The following COL4A6 variants were observed in gnomAD, a reference collection of about 807,000 sequenced individuals.
COL4A6 encodes the protein collagen alpha-6(IV) chain.
A neutral mutation model predicts 126.7 loss-of-function variants in COL4A6; 59 were observed. The observed-to-expected ratio is 0.47, with a 90% CI of 0.38 to 0.58. The LOEUF is 0.58. COL4A6 is among the 20% of genes least tolerant of loss of function. The pLI is 0.00. For missense variants in COL4A6, 1,285 were observed against 1,337.3 expected (o/e 0.96, Z 0.61); for synonymous variants, 547 against 496.6 (o/e 1.10, Z -1.35).
intron 22 of COL4A6, 140 bp from the exon 23 acceptor site, chrX:108,187,419 T>A: frequency 4.1e-6 from 2 of 491,228 alleles, no homozygotes; most frequent in Non-Finnish European, 6.2e-6. Flanking sequence ...ATAGTTTATC[T>A]ATCAGTCTCC....
intron 3 of COL4A6, among the ~76,000 whole-genome samples, chrX:108,258,229 CA>C (rs201192410): frequency 0.016 from 1,841 of 111,797 alleles, 46 homozygotes; most frequent in African/African-American, 0.056. Context: ...ATGAAAAAAA[CA>C]AACTTTTACA....
chrX:108,346,802 A>C (rs1018078124), intron 2 of COL4A6, among the ~76,000 whole-genome samples: 1 of 112,380 alleles, frequency 8.9e-6, no homozygotes, highest in African/African-American at 3.2e-5. Context: ...AAAGTTAATA[A>C]GAACAAGAAA....
At chrX:108,161,593 C>CCCCCCCCAAAATT in intron 42 of COL4A6, 26 bp downstream of exon 42, 1 of 580,314 alleles carries the variant, frequency 1.7e-6, no homozygotes, top group Non-Finnish European at 2.7e-6. Flanking sequence ...CCGCCCCGCC[C>CCCCCCCCAAAATT]GCCTCCTAAT....
upstream of COL4A6, chrX:108,439,376 T>G: frequency 1.2e-6 from 1 of 808,577 alleles, no homozygotes; most frequent in South Asian, 2.7e-5. Context: ...AAGCATATAC[T>G]TTATTTATTC....
intron 3 of COL4A6, among the ~76,000 whole-genome samples, chrX:108,287,737 G>A (rs1603018000): frequency 2.7e-5 from 3 of 111,465 alleles, no homozygotes; most frequent in African/African-American, 9.8e-5. Flanking sequence ...AAATATCTCC[G>A]GAGTTCTCTT....
chrX:108,362,815 A>T (rs896162417), intron 2 of COL4A6, among the ~76,000 whole-genome samples: 1 of 111,452 alleles, frequency 9.0e-6, no homozygotes, highest in Non-Finnish European at 1.9e-5. Context: ...CCTGTCCAGG[A>T]GTCTTTTCTC....
intron 2 of COL4A6, among the ~76,000 whole-genome samples, chrX:108,338,813 C>A (rs2039492545): frequency 8.9e-6 from 1 of 112,059 alleles, no homozygotes; most frequent in Non-Finnish European, 1.9e-5. Flanking sequence ...ATCTGATTAT[C>A]AAGTTTTGAA....
intron 3 of COL4A6, among the ~76,000 whole-genome samples, chrX:108,262,898 T>A (rs1008827039): frequency 3.6e-5 from 4 of 111,599 alleles, no homozygotes; most frequent in East Asian, 5.6e-4. Context: ...ATTATTTTTT[T>A]AAAAATAAAC....
In COL4A6 at chrX:108,425,746, A is replaced by G. The variant is rs190312412; in HGVS notation, c.63+12196T>C. On this transcript the variant is annotated intron_variant, in intron 2 of 44. Transcript: ENST00000334504. Reference sequence around the variant, plus strand: ...AACACACACACAAACACACACACACACACACACACACACACACACCTCTGT... The same window carrying G: ...AACACACACACAAACACACACACACGCACACACACACACACACACCTCTGT... Among the ~76,000 whole-genome samples, 483 of 109,287 alleles carry G rather than the reference A, an allele frequency of 4.4e-3. 10 individuals are homozygous for G. In the East Asian group the frequency reaches 0.072, roughly 16 times the overall value. 94.9% of individuals were successfully genotyped at this position (109,287 alleles called of 115,157 possible). A position where few individuals can be genotyped will look rare whatever the true frequency, so the allele number is the denominator to read the frequency against.
rs772201081 is a variant in COL4A6, at chrX:108,278,661, G to A, written c.144+32087C>T. Among the ~76,000 whole-genome samples the A allele has an allele frequency of 2.4e-4, 26 of 106,578 alleles. 1 individual carries two copies. Among genetic ancestry groups the A allele is most frequent in the Admixed American group, 1.9e-3 (19 of 9,916 alleles). 92.6% of individuals were successfully genotyped at this position (106,578 alleles called of 115,157 possible). A position where few individuals can be genotyped will look rare whatever the true frequency, so the allele number is the denominator to read the frequency against. ...AGAGAATGCCACAAAGATACTCCTC[G>A]AGAAGAGCAACTCCAAGACACATAA... is the stretch of plus-strand genomic sequence containing the variant. On this transcript the variant is annotated intron_variant, in intron 3 of 44. Transcript: ENST00000334504.
chrX:108,204,566 C>T, intron 11 of COL4A6, 154 bp from the exon 12 acceptor site: 1 of 555,985 alleles, frequency 1.8e-6, no homozygotes, highest in Admixed American at 2.3e-5. Context: ...ACTCTCACTG[C>T]CAAAGGGTGA....
intron 2 of COL4A6, among the ~76,000 whole-genome samples, chrX:108,435,327 G>A (rs1161821282): frequency 9.0e-6 from 1 of 111,710 alleles, no homozygotes; most frequent in East Asian, 2.8e-4. Flanking sequence ...AGATATATTG[G>A]CTGATGGTGA....
chrX:108,438,111 A>G (rs756102068), intron 1 of COL4A6, 75 bp downstream of exon 1: 100 of 1,204,914 alleles, frequency 8.3e-5, no homozygotes, highest in Non-Finnish European at 9.7e-5. Flanking sequence ...TGACAGAAGT[A>G]CCAGTATAGT....
chrX:108,383,001 T>TAATAATAAA (rs1556300855), intron 2 of COL4A6, among the ~76,000 whole-genome samples: 2 of 103,936 alleles, frequency 1.9e-5, no homozygotes, highest in Admixed American at 1.1e-4. Flanking sequence ...ATAATAATAA[T>TAATAATAAA]AAACCCTTTT....
intron 2 of COL4A6, among the ~76,000 whole-genome samples, chrX:108,339,311 T>G (rs1456561755): frequency 3.6e-5 from 4 of 112,256 alleles, no homozygotes; most frequent in African/African-American, 1.3e-4. Flanking sequence ...AAACCAATAT[T>G]AAGACCTGCA....
intron 3 of COL4A6, among the ~76,000 whole-genome samples, chrX:108,302,991 C>T (rs1320434323): frequency 1.9e-5 from 2 of 107,372 alleles, no homozygotes; most frequent in Non-Finnish European, 1.9e-5. Context: ...CCTGCATGCC[C>T]TCCCCCCTCC....
At chrX:108,436,797 C>T (rs2064276271) in intron 2 of COL4A6, among the ~76,000 whole-genome samples, 4 of 111,901 alleles carry the variant, frequency 3.6e-5, no homozygotes. Flanking sequence ...AAAATAGCTT[C>T]ACTCTGGTAT....
intron 2 of COL4A6, among the ~76,000 whole-genome samples, chrX:108,347,974 C>G (rs188442043): frequency 1.1e-3 from 123 of 110,903 alleles, no homozygotes; most frequent in Non-Finnish European, 2.0e-3. Flanking sequence ...GCAGGCCAGG[C>G]TGGCTACAGC....
At chrX:108,278,104 C>T (rs1178652349) in intron 3 of COL4A6, among the ~76,000 whole-genome samples, 9 of 111,787 alleles carry the variant, frequency 8.1e-5, no homozygotes, top group Admixed American at 2.8e-4. Context: ...TCCAAAGGAA[C>T]GCAGCTCCTC....
Sources: allele counts gnomAD v4.1 joint callset (sites outside exome capture counted in the v4.1 genomes callset), GRCh38; gene constraint gnomAD v4.1.1; transcripts MANE v1.5; gene names NCBI Gene and HGNC (gene_info 2026-07-23, HGNC 2026-07-21).